RAVER2: variants seen among roughly 807,000 people sequenced by gnomAD.
The protein encoded by RAVER2 is ribonucleoprotein, PTB binding 2, also known as ribonucleoprotein PTB-binding 2.
A neutral mutation model predicts 78.1 loss-of-function variants in RAVER2; 46 were observed. The ratio of observed to expected loss-of-function variants is 0.59; its 90% CI spans 0.46 to 0.75. The LOEUF (loss-of-function observed/expected upper bound fraction) is 0.75. RAVER2 is among the 30% of genes least tolerant of loss of function. The probability of loss-of-function intolerance (pLI) is 0.00; values close to 1 mark genes in which losing one functional copy is unlikely to be tolerated. For synonymous variants in RAVER2, 311 were observed against 313.3 expected, an observed-to-expected ratio of 0.99 and a Z score of 0.08; for missense variants, 793 against 837.5, an observed-to-expected ratio of 0.95 and a Z score of 0.66.
intron 1 of RAVER2, among the ~76,000 whole-genome samples, chr1:64,748,173 A>T (rs964665347): frequency 6.6e-6 from 1 of 152,202 alleles, no homozygotes; most frequent in Non-Finnish European, 1.5e-5. Context: ...CTTTATATTA[A>T]GTTCTCAAAA....
chr1:64,771,741 T>A (rs972709395), intron 2 of RAVER2, among the ~76,000 whole-genome samples: 52 of 152,090 alleles, frequency 3.4e-4, no homozygotes, highest in African/African-American at 1.2e-3. Flanking sequence ...AAGTTAAAGA[T>A]GTATACTGTA....
chr1:64,821,863 GA>G (rs1557607023), intron 11 of RAVER2, among the ~76,000 whole-genome samples: 1 of 152,172 alleles, frequency 6.6e-6, no homozygotes, highest in East Asian at 1.9e-4. Flanking sequence ...AACGCACAAA[GA>G]TTTTACGACA....
At chr1:64,766,688 G>C (rs1348843893) in intron 1 of RAVER2, among the ~76,000 whole-genome samples, 1 of 152,144 alleles carries the variant, frequency 6.6e-6, no homozygotes, top group East Asian at 1.9e-4. Flanking sequence ...ATAATGTGAA[G>C]AGCAGTATCA....
In RAVER2 at chr1:64,817,428, A is replaced by G. The variant is rs1653781705; in HGVS notation, c.1929+2588A>G. On this transcript the variant is annotated intron_variant, in intron 11 of 11. Transcript: ENST00000294428. ...GTATATACCCAAAGAATTATAAATC[A>G]TGCTGCTATGAAGACACATGCACAC... Among the ~76,000 whole-genome samples the G allele has an allele frequency of 2.0e-5, 3 of 152,172 alleles. No individual in the cohort carries two copies. The South Asian group carries it at 6.2e-4, about 32-fold the overall frequency.
At chr1:64,815,828 C>T (rs1037977287) in intron 11 of RAVER2, 3 of 152,056 alleles carry the variant, frequency 2.0e-5, no homozygotes, top group East Asian at 3.9e-4. Context: ...TGGGACAAGA[C>T]GGAAAAATAT....
intron 4 of RAVER2, among the ~76,000 whole-genome samples, chr1:64,784,476 A>G (rs1390826568): frequency 6.6e-6 from 1 of 151,666 alleles, no homozygotes; most frequent in African/African-American, 2.4e-5. Flanking sequence ...TCCCTAACTT[A>G]TTTTTTCCCC....
At chr1:64,772,033 G>A (rs1219978468) in intron 2 of RAVER2, among the ~76,000 whole-genome samples, 1 of 152,070 alleles carries the variant, frequency 6.6e-6, no homozygotes, top group African/African-American at 2.4e-5. Flanking sequence ...AGTAGACCAT[G>A]CAATGACTTT....
chr1:64,780,521 A>G (rs546128679), intron 3 of RAVER2, among the ~76,000 whole-genome samples: 4 of 152,332 alleles, frequency 2.6e-5, no homozygotes, highest in African/African-American at 7.2e-5. Context: ...TTTAGTTGTA[A>G]TATCAGCTTA....
At chr1:64,747,005 T>C (rs745804555) in intron 1 of RAVER2, among the ~76,000 whole-genome samples, 1 of 152,276 alleles carries the variant, frequency 6.6e-6, no homozygotes, top group African/African-American at 2.4e-5. Context: ...GCATTAATTC[T>C]AAATATATTT....
At chr1:64,761,829 G>A (rs994571510) in intron 1 of RAVER2, among the ~76,000 whole-genome samples, 1 of 152,154 alleles carries the variant, frequency 6.6e-6, no homozygotes, top group African/African-American at 2.4e-5. Context: ...AAATAAGTGG[G>A]CCAGGCACGG....
intron 3 of RAVER2, among the ~76,000 whole-genome samples, chr1:64,780,195 A>G (rs1483949266): frequency 1.3e-5 from 2 of 152,162 alleles, no homozygotes; most frequent in African/African-American, 4.8e-5. Context: ...AGACTGTATT[A>G]AAGACACAGC....
chr1:64,762,222 G>A (rs1042349490), intron 1 of RAVER2, among the ~76,000 whole-genome samples: 6 of 151,978 alleles, frequency 3.9e-5, no homozygotes, highest in East Asian at 1.9e-4. Flanking sequence ...AAAAATATGC[G>A]AAATCTCTAC....
intron 5 of RAVER2, among the ~76,000 whole-genome samples, chr1:64,793,202 C>CAAGAAAAGAAA (rs2100857259): frequency 6.6e-6 from 1 of 151,784 alleles, no homozygotes; most frequent in Non-Finnish European, 1.5e-5. Flanking sequence ...GACTCCATCT[C>CAAGAAAAGAAA]AAGAAAAGAA....
At chr1:64,747,950 T>C (rs1358888210) in intron 1 of RAVER2, among the ~76,000 whole-genome samples, 1 of 152,204 alleles carries the variant, frequency 6.6e-6, no homozygotes, top group Non-Finnish European at 1.5e-5. Context: ...TTTCTTAACA[T>C]TTGAAATATA....
At chr1:64,830,967 A>C in exon 12 of RAVER2, 1 of 1,613,728 alleles carries the variant, frequency 6.2e-7, no homozygotes, top group Non-Finnish European at 8.5e-7. Flanking sequence ...CTTACTTAAA[A>C]AAGAAGCGAG....
intron 1 of RAVER2, among the ~76,000 whole-genome samples, chr1:64,750,764 G>A (rs573229559): frequency 6.6e-6 from 1 of 152,162 alleles, no homozygotes; most frequent in South Asian, 2.1e-4. Flanking sequence ...AAATCAAAAT[G>A]CCATTGCTTA....
intron 4 of RAVER2, among the ~76,000 whole-genome samples, chr1:64,788,566 G>A (rs1002303278): frequency 3.3e-5 from 5 of 151,506 alleles, no homozygotes; most frequent in Non-Finnish European, 5.9e-5. Flanking sequence ...GGCCGAGGTG[G>A]TGGATCACAA....
chr1:64,778,102 T>G lies in RAVER2; in HGVS notation c.786+10T>G. The stretch of plus-strand genomic sequence containing the variant: ...ACCTGTGTTTTGCCAGGTATGTATT[T>G]TTAAGAGATTATTGAAATATTTTAA... On this transcript the variant is annotated intron_variant, in intron 3 of 11. Coordinates refer to ENST00000294428, the Ensembl canonical transcript of RAVER2. The G allele has an allele frequency of 6.4e-7, 1 of 1,554,248 alleles. No homozygotes were observed. The highest frequency in any genetic ancestry group is 8.8e-7 in the Non-Finnish European group (1 of 1,142,264).
intron 1 of RAVER2, among the ~76,000 whole-genome samples, chr1:64,762,007 CAGG>C (rs1652037228): frequency 1.3e-5 from 2 of 151,688 alleles, no homozygotes; most frequent in African/African-American, 2.4e-5. Flanking sequence ...CCCAGCTACT[CAGG>C]AGGCTGAGGT....
Sources: gnomAD v4.1 joint callset for allele counts (sites outside exome capture counted in the v4.1 genomes callset) on GRCh38, gnomAD v4.1.1 for gene constraint, MANE v1.5 for transcripts, NCBI Gene and HGNC (gene_info 2026-07-23, HGNC 2026-07-21) for gene names.